Variants in ADAMTSL3 observed in about 807,000 individuals in gnomAD.
ADAMTSL3 encodes ADAMTS like 3, also known as ADAMTS-like protein 3.
In ADAMTSL3, 128 loss-of-function variants were observed where a neutral mutation model predicts 201.7. The ratio of observed to expected loss-of-function variants is 0.63; its 90% CI spans 0.55 to 0.73. ADAMTSL3 has a LOEUF of 0.73. Ranked by LOEUF, ADAMTSL3 falls within the 30% of genes least tolerant of loss-of-function variation. The pLI, the probability that ADAMTSL3 is intolerant of heterozygous loss-of-function variation, is 0.00. For missense variants in ADAMTSL3, 1,990 were observed against 2,119.6 expected, an observed-to-expected ratio of 0.94 and a Z score of 1.20; for synonymous variants, 738 against 748.4, an observed-to-expected ratio of 0.99 and a Z score of 0.23.
At chr15:83,693,099 C>G (rs757508623) in intron 2 of ADAMTSL3, among the ~76,000 whole-genome samples, 1 of 151,610 alleles carries the variant, frequency 6.6e-6, no homozygotes, top group Non-Finnish European at 1.5e-5. Flanking sequence ...TTTTTTGCTA[C>G]TGAATTAACA....
At chr15:83,664,542 C>G (rs541806187) in intron 2 of ADAMTSL3, among the ~76,000 whole-genome samples, 1 of 152,362 alleles carries the variant, frequency 6.6e-6, no homozygotes, top group Admixed American at 6.5e-5. Flanking sequence ...TATTCCTGTA[C>G]CTGCCCTGTA....
rs911263459 is a variant in ADAMTSL3 at position 83,970,603 on chromosome 15, T to A, written c.2610T>A (p.Pro870=). ...EMMCRDLPGL[P]LVRSCQMPEC... is the part of the protein sequence containing the mutation. Reference sequence around the variant, plus strand: ...TGTGCAGGGATCTACCAGGGCTCCCTCTTGTAAGATCTTGCCAGATGCCTG... The same window carrying A: ...TGTGCAGGGATCTACCAGGGCTCCCACTTGTAAGATCTTGCCAGATGCCTG... Residue 870 remains proline (P), a synonymous_variant, in exon 20 of 30, where the codon CCT becomes CCA. Coordinates refer to ENST00000286744, the MANE Select transcript of ADAMTSL3 (RefSeq NM_207517.3). 1.2e-5 allele frequency: 20 copies of A among 1,614,232 alleles called. No individual in the cohort carries two copies. Among genetic ancestry groups the A allele is most frequent in the Non-Finnish European group, 1.6e-5 (19 of 1,180,032 alleles).
At chr15:83,965,317 G>C (rs1197145396) in intron 19 of ADAMTSL3, among the ~76,000 whole-genome samples, 1 of 139,670 alleles carries the variant, frequency 7.2e-6, no homozygotes, top group African/African-American at 2.6e-5. Context: ...AAAATAAAGG[G>C]ATGGAGGAAT....
At chr15:83,794,322 A>G (rs751002009) in intron 4 of ADAMTSL3, among the ~76,000 whole-genome samples, 33 of 152,216 alleles carry the variant, frequency 2.2e-4, no homozygotes, top group Non-Finnish European at 3.8e-4. Flanking sequence ...TCTCAGATAA[A>G]TGAAGACTTA....
intron 4 of ADAMTSL3, among the ~76,000 whole-genome samples, chr15:83,782,534 C>T (rs1037916952): frequency 3.9e-5 from 6 of 152,062 alleles, no homozygotes; most frequent in Non-Finnish European, 7.4e-5. Context: ...CCCTGGAATA[C>T]TATGCAGCCA....
intron 2 of ADAMTSL3, among the ~76,000 whole-genome samples, chr15:83,672,700 A>G (rs1481367240): frequency 9.2e-5 from 14 of 152,186 alleles, no homozygotes. Context: ...TTCAAAGCAA[A>G]CACTTCACAC....
At chr15:83,887,626 G>A (rs768890939) in intron 10 of ADAMTSL3, among the ~76,000 whole-genome samples, 4 of 151,956 alleles carry the variant, frequency 2.6e-5, no homozygotes, top group Non-Finnish European at 5.9e-5. Context: ...CTTTTTGTTT[G>A]TTTGTTTGTT....
intron 23 of ADAMTSL3, among the ~76,000 whole-genome samples, chr15:83,993,105 G>A (rs1415244460): frequency 6.6e-6 from 1 of 152,232 alleles, no homozygotes; most frequent in Non-Finnish European, 1.5e-5. Flanking sequence ...AAACAAACCT[G>A]TAGTGAACTT....
chr15:84,010,082 C>G (rs543824795), intron 23 of ADAMTSL3, among the ~76,000 whole-genome samples: 2 of 152,304 alleles, frequency 1.3e-5, no homozygotes, highest in African/African-American at 2.4e-5. Context: ...GCTTTCAAGT[C>G]TATGAATTGC....
chr15:83,745,793 A>G (rs2062535683), intron 3 of ADAMTSL3, among the ~76,000 whole-genome samples: 1 of 152,234 alleles, frequency 6.6e-6, no homozygotes, highest in African/African-American at 2.4e-5. Flanking sequence ...CACTTGGTTT[A>G]TCTGGTGCCA....
chr15:83,852,041 T>C (rs2064626164), intron 7 of ADAMTSL3, among the ~76,000 whole-genome samples: 1 of 152,178 alleles, frequency 6.6e-6, no homozygotes, highest in Non-Finnish European at 1.5e-5. Flanking sequence ...GAATTGATCA[T>C]TAGGTATAAA....
chr15:83,806,976 A>G (rs1296744445), intron 5 of ADAMTSL3, among the ~76,000 whole-genome samples: 1 of 152,234 alleles, frequency 6.6e-6, no homozygotes, highest in East Asian at 1.9e-4. Flanking sequence ...GAAACTTACA[A>G]AATGCCAGAA....
intron 2 of ADAMTSL3, among the ~76,000 whole-genome samples, chr15:83,691,110 G>A (rs1173506753): frequency 6.6e-6 from 1 of 152,066 alleles, no homozygotes; most frequent in East Asian, 1.9e-4. Flanking sequence ...TCTCTCCTGC[G>A]CCTCCTTTTG....
chr15:83,773,872 A>G (rs2063028362), intron 4 of ADAMTSL3, among the ~76,000 whole-genome samples: 2 of 152,212 alleles, frequency 1.3e-5, no homozygotes, highest in Non-Finnish European at 2.9e-5. Flanking sequence ...AGCACTGGAC[A>G]CTTTGGGCTT....
At position 84,014,523 on chromosome 15, in the gene ADAMTSL3, AT is replaced by A. The variant is rs1359416470; in HGVS notation, c.3974-16del. The A allele has an allele frequency of 6.2e-7, 1 of 1,607,478 alleles. No homozygotes were observed. Among genetic ancestry groups the A allele is most frequent in the East Asian group, 2.2e-5 (1 of 44,858 alleles). Reference sequence around the variant, plus strand: ...TTCTTAAAGGAATTGCCTTTGTCATATTTGTTTTTGTTCCAAAGGTGTCCCT... The same window carrying A: ...TTCTTAAAGGAATTGCCTTTGTCATATTGTTTTTGTTCCAAAGGTGTCCCT... On this transcript the variant is annotated intron_variant, in intron 23 of 29. Coordinates refer to ENST00000286744, the MANE Select transcript of ADAMTSL3 (RefSeq NM_207517.3).
chr15:83,876,374 G>A (rs1034620560), intron 9 of ADAMTSL3, among the ~76,000 whole-genome samples: 1 of 151,696 alleles, frequency 6.6e-6, no homozygotes, highest in African/African-American at 2.4e-5. Context: ...TTTTATCTTT[G>A]TATGGGTTTA....
At chr15:84,033,818 C>CA (rs1290710923) in intron 28 of ADAMTSL3, among the ~76,000 whole-genome samples, 1 of 151,840 alleles carries the variant, frequency 6.6e-6, no homozygotes, top group Non-Finnish European at 1.5e-5. Flanking sequence ...TCAAAGGTAG[C>CA]AAAAAATAAG....
intron 23 of ADAMTSL3, among the ~76,000 whole-genome samples, chr15:84,012,030 T>C (rs1006029829): frequency 6.6e-5 from 10 of 152,160 alleles, no homozygotes; most frequent in Non-Finnish European, 1.3e-4. Flanking sequence ...TAGAAGAAAA[T>C]GCTAAAAAAG....
intron 19 of ADAMTSL3, among the ~76,000 whole-genome samples, chr15:83,952,805 CAAAA>C (rs59518430): frequency 1.8e-5 from 2 of 111,728 alleles, no homozygotes. Flanking sequence ...GATTCCACCT[CAAAA>C]AAAAAAAAAA....
Sources: allele counts gnomAD v4.1 joint callset (sites outside exome capture counted in the v4.1 genomes callset), GRCh38; gene constraint gnomAD v4.1.1; transcripts MANE v1.5; gene names NCBI Gene and HGNC (gene_info 2026-07-23, HGNC 2026-07-21).